ASTN1: variants seen among roughly 807,000 people sequenced by gnomAD.
ASTN1 encodes the protein astrotactin-1.
ASTN1 carries 41 observed loss-of-function variants against 140.7 expected under a neutral mutation model. The observed-to-expected ratio is 0.29, with a 90% CI of 0.23 to 0.38. ASTN1 has a LOEUF of 0.38. Among genes scored for constraint, ASTN1 ranks in the 10% least tolerant of loss-of-function variants. The pLI is 1.00. For missense variants in ASTN1, 1,479 were observed against 1,678.8 expected (o/e 0.88, Z 2.08); for synonymous variants, 640 against 652.2 (o/e 0.98, Z 0.29).
At chr1:176,883,417 A>G (rs1368024162) in intron 19 of ASTN1, among the ~76,000 whole-genome samples, 2 of 152,016 alleles carry the variant, frequency 1.3e-5, no homozygotes, top group Non-Finnish European at 2.9e-5. Flanking sequence ...GATGGTCTCG[A>G]AATCCTGACC....
chr1:176,942,815 T>TGC (rs1671776953), intron 14 of ASTN1, among the ~76,000 whole-genome samples: 2 of 58,000 alleles, frequency 3.4e-5, no homozygotes, highest in African/African-American at 1.9e-4. Flanking sequence ...GTACTTTGTG[T>TGC]GTGTGTATAT....
At chr1:177,072,981 A>G (rs1188375378) in intron 1 of ASTN1, among the ~76,000 whole-genome samples, 1 of 152,230 alleles carries the variant, frequency 6.6e-6, no homozygotes, top group Non-Finnish European at 1.5e-5. Flanking sequence ...TCTTCCTCTG[A>G]TGTGTAAGAG....
intron 2 of ASTN1, among the ~76,000 whole-genome samples, chr1:177,043,522 T>C (rs913717923): frequency 3.9e-5 from 6 of 152,262 alleles, no homozygotes; most frequent in Non-Finnish European, 8.8e-5. Context: ...ATACATTGCT[T>C]TGTGCTCATA....
chr1:176,866,436 A>G (rs7523235), intron 22 of ASTN1, among the ~76,000 whole-genome samples: 9,139 of 152,210 alleles, frequency 0.06, 935 homozygotes, highest in African/African-American at 0.21. Flanking sequence ...GTTGTCATCA[A>G]CAAGAACTCT....
At chr1:177,085,094 A>G (rs974595003) in intron 1 of ASTN1, among the ~76,000 whole-genome samples, 1 of 152,206 alleles carries the variant, frequency 6.6e-6, no homozygotes. Context: ...AATGAGACTT[A>G]CTAAATGGCT....
At chr1:177,162,443 C>T (rs1647435818) in intron 1 of ASTN1, among the ~76,000 whole-genome samples, 1 of 152,134 alleles carries the variant, frequency 6.6e-6, no homozygotes. Flanking sequence ...CCAAGTTGCA[C>T]CAGATTACCA....
At chr1:176,965,069 A>G in intron 9 of ASTN1, 94 bp downstream of exon 9, 3 of 1,244,048 alleles carry the variant, frequency 2.4e-6, no homozygotes, top group South Asian at 2.5e-5. Flanking sequence ...GGTGTTTCCT[A>G]TTTTATACTT....
chr1:176,926,946 G>T (rs1670995697), intron 16 of ASTN1, among the ~76,000 whole-genome samples: 1 of 152,226 alleles, frequency 6.6e-6, no homozygotes. Context: ...GTTGTTTTTG[G>T]TTCAGCCAAA....
At chr1:176,986,796 C>T (rs1000473577) in intron 8 of ASTN1, among the ~76,000 whole-genome samples, 5 of 152,072 alleles carry the variant, frequency 3.3e-5, no homozygotes, top group African/African-American at 1.2e-4. Flanking sequence ...AAATAATAGT[C>T]ACCTTATAGA....
intron 2 of ASTN1, among the ~76,000 whole-genome samples, chr1:177,055,827 T>A (rs1677775325): frequency 6.6e-6 from 1 of 152,176 alleles, no homozygotes; most frequent in Non-Finnish European, 1.5e-5. Context: ...GATGCAAAAG[T>A]GACCTTGATT....
At chr1:177,140,978 A>G (rs1414853015) in intron 1 of ASTN1, among the ~76,000 whole-genome samples, 1 of 152,204 alleles carries the variant, frequency 6.6e-6, no homozygotes, top group Non-Finnish European at 1.5e-5. Flanking sequence ...GGACTTTGGG[A>G]GGCCAAGGCG....
chr1:177,084,406 C>G (rs994711682), intron 1 of ASTN1, among the ~76,000 whole-genome samples: 1 of 152,172 alleles, frequency 6.6e-6, no homozygotes, highest in African/African-American at 2.4e-5. Flanking sequence ...TGTGTCCCCC[C>G]ACAAAGAGAA....
At chr1:177,021,186 T>C (rs1675804829) in intron 7 of ASTN1, among the ~76,000 whole-genome samples, 2 of 152,340 alleles carry the variant, frequency 1.3e-5, no homozygotes, top group Non-Finnish European at 2.9e-5. Flanking sequence ...TCAGCTGCTA[T>C]CCAAAATGAA....
chr1:176,994,033 G>C (rs1674316866), intron 8 of ASTN1, among the ~76,000 whole-genome samples: 1 of 151,752 alleles, frequency 6.6e-6, no homozygotes, highest in Non-Finnish European at 1.5e-5. Context: ...GTGTGTGTGT[G>C]TGAATGTGGT....
intron 16 of ASTN1, among the ~76,000 whole-genome samples, chr1:176,933,683 C>T (rs189899366): frequency 1.1e-3 from 171 of 152,240 alleles, no homozygotes; most frequent in African/African-American, 3.7e-3. Context: ...ACAAATCAGT[C>T]GGAAAAATGA....
chr1:176,923,036 G>A (rs537630520), intron 16 of ASTN1, among the ~76,000 whole-genome samples: 19 of 152,096 alleles, frequency 1.2e-4, no homozygotes, highest in Non-Finnish European at 2.4e-4. Context: ...CCATTTTACA[G>A]ACATGGAAAC....
At chr1:177,132,917 G>A (rs1033702563) in intron 1 of ASTN1, among the ~76,000 whole-genome samples, 5 of 152,198 alleles carry the variant, frequency 3.3e-5, no homozygotes, top group Admixed American at 1.3e-4. Flanking sequence ...AAACATGAGG[G>A]AGATGTTCCA....
chr1:176,970,123 T>G (rs932986277), intron 8 of ASTN1, among the ~76,000 whole-genome samples: 1 of 152,252 alleles, frequency 6.6e-6, no homozygotes, highest in African/African-American at 2.4e-5. Context: ...CTGGCAATTT[T>G]CAAGCTTTTG....
chr1:176,931,924 A>G (rs1671220514), intron 16 of ASTN1, among the ~76,000 whole-genome samples: 1 of 152,232 alleles, frequency 6.6e-6, no homozygotes. Context: ...TAACCTGAGA[A>G]TACATCCTAT....
Sources: allele counts gnomAD v4.1 joint callset (sites outside exome capture counted in the v4.1 genomes callset), GRCh38; gene constraint gnomAD v4.1.1; transcripts MANE v1.5; gene names NCBI Gene and HGNC (gene_info 2026-07-23, HGNC 2026-07-21).